The following PARD3 variants were observed in gnomAD, a reference collection of about 807,000 sequenced individuals.
PARD3 encodes partitioning defective 3 homolog.
A neutral mutation model predicts 155.4 loss-of-function variants in PARD3; 75 were observed. The observed-to-expected ratio is 0.48, with a 90% confidence interval of 0.40 to 0.58. The LOEUF is 0.58. Among genes scored for constraint, PARD3 ranks in the 20% least tolerant of loss-of-function variants. The pLI, the probability that PARD3 is intolerant of heterozygous loss-of-function variation, is 0.00. For synonymous variants in PARD3, 576 were observed against 610.5 expected, an observed-to-expected ratio of 0.94 and a Z score of 0.83; for missense variants, 1,642 against 1,721.7, an observed-to-expected ratio of 0.95 and a Z score of 0.82.
chr10:34,130,243 A>G (rs1339931257), intron 23 of PARD3, among the ~76,000 whole-genome samples: 1 of 152,072 alleles, frequency 6.6e-6, no homozygotes, highest in Non-Finnish European at 1.5e-5. Context: ...GCCCTCTTGC[A>G]CACTGCTAGG....
intron 12 of PARD3, among the ~76,000 whole-genome samples, chr10:34,369,331 T>G (rs182547228): frequency 0.022 from 3,306 of 150,866 alleles, 115 homozygotes; most frequent in African/African-American, 0.077. Context: ...TTTATTTATT[T>G]ATTTATTTAT....
chr10:34,156,686 C>T (rs1020342292), intron 22 of PARD3, among the ~76,000 whole-genome samples: 7 of 152,148 alleles, frequency 4.6e-5, no homozygotes, highest in South Asian at 2.1e-4. Context: ...TCACTAAGAG[C>T]GCGGCTGCTG....
intron 2 of PARD3, among the ~76,000 whole-genome samples, chr10:34,622,595 A>G (rs16935593): frequency 0.06 from 9,136 of 152,242 alleles, 859 homozygotes; most frequent in African/African-American, 0.2. Flanking sequence ...AAGATTATCA[A>G]TTCCAGTTAG....
At chr10:34,414,148 T>C (rs12241731) in intron 5 of PARD3, among the ~76,000 whole-genome samples, 29,369 of 151,080 alleles carry the variant, frequency 0.19, 6,030 homozygotes, top group African/African-American at 0.52. Context: ...CAGTGAGCTA[T>C]ATTCATGCCG....
chr10:34,472,509 G>A (rs1273981055), intron 3 of PARD3, among the ~76,000 whole-genome samples: 1 of 152,138 alleles, frequency 6.6e-6, no homozygotes, highest in Non-Finnish European at 1.5e-5. Context: ...ATGGGGAGAG[G>A]TGGGCAGGAA....
At chr10:34,327,400 T>A (rs1835141022) in intron 19 of PARD3, among the ~76,000 whole-genome samples, 1 of 152,192 alleles carries the variant, frequency 6.6e-6, no homozygotes, top group African/African-American at 2.4e-5. Context: ...AGATACCACA[T>A]GGATCCCACC....
intron 22 of PARD3, among the ~76,000 whole-genome samples, chr10:34,134,133 C>T (rs1947761772): frequency 6.6e-6 from 1 of 152,120 alleles, no homozygotes; most frequent in Non-Finnish European, 1.5e-5. Context: ...TATATAGTGT[C>T]CTATATTGTT....
At chr10:34,461,295 A>T (rs2077633395) in intron 4 of PARD3, among the ~76,000 whole-genome samples, 1 of 152,240 alleles carries the variant, frequency 6.6e-6, no homozygotes, top group Admixed American at 6.5e-5. Context: ...ATAAAAAATT[A>T]AAAATAGAAA....
intron 2 of PARD3, among the ~76,000 whole-genome samples, chr10:34,650,716 A>C (rs2092983859): frequency 6.6e-6 from 1 of 152,178 alleles, no homozygotes. Flanking sequence ...AAAGTGCAAA[A>C]AGAAACACAG....
In PARD3 at chr10:34,636,472, C is replaced by T. The variant is rs11009842; in HGVS notation, c.222+59846G>A. Among the ~76,000 whole-genome samples the T allele has an allele frequency of 4.5e-3, 688 of 152,286 alleles. 11 individuals carry two copies. The highest frequency in any genetic ancestry group is 0.024 in the Admixed American group (374 of 15,296). The stretch of plus-strand genomic sequence containing the variant: ...TCCACCCCACCACAAAGGCCGCTGG[C>T]GAGAGGCTTTGGAAGCACAGGACAC... On this transcript the variant is annotated intron_variant, in intron 2 of 24. Coordinates refer to ENST00000374788, the MANE Select transcript of PARD3 (RefSeq NM_001184785.2).
At chr10:34,167,181 C>T (rs545458103) in intron 22 of PARD3, among the ~76,000 whole-genome samples, 141 of 152,310 alleles carry the variant, frequency 9.3e-4, no homozygotes, top group African/African-American at 3.2e-3. Context: ...CAATGACCAA[C>T]TATATGCTGT....
intron 2 of PARD3, among the ~76,000 whole-genome samples, chr10:34,519,465 CTA>C (rs2081991787): frequency 6.6e-6 from 1 of 152,066 alleles, no homozygotes; most frequent in South Asian, 2.1e-4. Context: ...AAAAAGTACT[CTA>C]TGTCTTCTTA....
chr10:34,474,386 T>C (rs1360123373), intron 3 of PARD3, among the ~76,000 whole-genome samples: 1 of 152,200 alleles, frequency 6.6e-6, no homozygotes, highest in African/African-American at 2.4e-5. Context: ...CTCACAATGA[T>C]GTGCTTCTAT....
chr10:34,632,681 T>A (rs954974120), intron 2 of PARD3, among the ~76,000 whole-genome samples: 1 of 152,148 alleles, frequency 6.6e-6, no homozygotes, highest in Non-Finnish European at 1.5e-5. Flanking sequence ...AAAATAAGAA[T>A]CTTATGCAGT....
intron 22 of PARD3, among the ~76,000 whole-genome samples, chr10:34,265,147 A>C (rs1283860865): frequency 1.3e-5 from 2 of 152,250 alleles, no homozygotes; most frequent in African/African-American, 2.4e-5. Context: ...GTGAAAAATC[A>C]AAATGTTACC....
intron 9 of PARD3, among the ~76,000 whole-genome samples, chr10:34,380,186 C>T (rs1440602982): frequency 6.6e-6 from 1 of 151,664 alleles, no homozygotes; most frequent in Admixed American, 6.6e-5. Context: ...GCATTCTTCC[C>T]CACATTTATA....
intron 2 of PARD3, among the ~76,000 whole-genome samples, chr10:34,658,517 T>C (rs947133731): frequency 1.3e-5 from 2 of 151,846 alleles, no homozygotes; most frequent in African/African-American, 2.4e-5. Context: ...GAGGAGAAGA[T>C]GCTGGGGGCT....
intron 17 of PARD3, 31 bp downstream of exon 17, chr10:34,337,244 T>A: frequency 7.1e-7 from 1 of 1,401,258 alleles, no homozygotes; most frequent in Non-Finnish European, 9.6e-7. Context: ...TAAAACTTAT[T>A]TAGATAAAGA....
At chr10:34,704,509 G>A (rs919032325) in intron 1 of PARD3, among the ~76,000 whole-genome samples, 2 of 152,064 alleles carry the variant, frequency 1.3e-5, no homozygotes, top group Non-Finnish European at 2.9e-5. Context: ...TGTGAGTGGG[G>A]GCATAGCACA....
Sources: gnomAD v4.1 joint callset for allele counts (sites outside exome capture counted in the v4.1 genomes callset) on GRCh38, gnomAD v4.1.1 for gene constraint, MANE v1.5 for transcripts, NCBI Gene and HGNC (gene_info 2026-07-23, HGNC 2026-07-21) for gene names.